ZNF761: variants seen among roughly 807,000 people sequenced by gnomAD.
The protein encoded by ZNF761 is zinc finger protein 761.
ZNF761 carries 43 observed loss-of-function variants against 59.9 expected under a neutral mutation model. The ratio of observed to expected loss-of-function variants is 0.72; its 90% CI spans 0.56 to 0.92. The LOEUF is 0.92. Ranked by LOEUF, ZNF761 falls within the 40% of genes least tolerant of loss-of-function variation. The pLI, the probability that ZNF761 is intolerant of heterozygous loss-of-function variation, is 0.00. For synonymous variants in ZNF761, 294 were observed against 304.8 expected (o/e 0.96, Z 0.37); for missense variants, 850 against 906.1 (o/e 0.94, Z 0.79).
At chr19:53,448,271 G>T (rs780620828) in intron 3 of ZNF761, among the ~76,000 whole-genome samples, 7 of 152,208 alleles carry the variant, frequency 4.6e-5, no homozygotes, top group Non-Finnish European at 1.5e-5. Context: ...CCAGAGTGCT[G>T]GGATTACAGG....
Position 53,456,707 on chromosome 19 carries a change from A to T in ZNF761, c.2200A>T (p.Thr734Ser). 6.2e-7 allele frequency: 1 copy of T among 1,613,764 alleles called. No homozygotes were observed. The highest frequency in any genetic ancestry group is 8.5e-7 in the Non-Finnish European group (1 of 1,179,868). ...GACCTTTAGTCAGAAGTCAAACCTTACATGCCATCGTAGACTTCATACTGG... is the reference window on the plus strand; with the variant it reads ...GACCTTTAGTCAGAAGTCAAACCTTTCATGCCATCGTAGACTTCATACTGG... ...GKTFSQKSNL[T>S]CHRRLHTGEK... Residue 734 changes from threonine (T) to serine (S), a missense_variant, in exon 5 of 5, where the codon ACA (threonine) becomes TCA (serine). Thr to Ser is a moderately conservative substitution (Grantham distance 58, BLOSUM62 1). Coordinates refer to ENST00000684525, the MANE Select transcript of ZNF761 (RefSeq NM_001289951.2).
rs1444037799 is a variant in ZNF761 at position 53,450,663 on chromosome 19, G to A, written c.142+1025G>A. On this transcript the variant is annotated intron_variant, in intron 4 of 4. Coordinates refer to ENST00000684525, the MANE Select transcript of ZNF761 (RefSeq NM_001289951.2). ...TCTGTCGCCAAGGCTACAGTTCAGT[G>A]GTACGATCTTGGCTCACCGCAGCCA... Among the ~76,000 whole-genome samples the A allele has an allele frequency of 2.0e-5, 3 of 152,174 alleles. No individual in the cohort carries two copies. The East Asian group carries it at 5.8e-4, about 29-fold the overall frequency.
At chr19:53,443,362 A>C (rs894021767) in intron 1 of ZNF761, 2 of 152,968 alleles carry the variant, frequency 1.3e-5, no homozygotes, top group African/African-American at 4.8e-5. Context: ...CAGACCCAAC[A>C]CCGGGCTGTG....
chr19:53,449,426 C>A, intron 3 of ZNF761, 86 bp from the exon 4 acceptor site: 1 of 1,598,916 alleles, frequency 6.3e-7, no homozygotes, highest in East Asian at 2.2e-5. Context: ...CATTTAAATC[C>A]ATGCCTTCAC....
chr19:53,433,018 G>T (rs1049021939), intron 1 of ZNF761, among the ~76,000 whole-genome samples: 2 of 149,640 alleles, frequency 1.3e-5, no homozygotes, highest in African/African-American at 4.9e-5. Context: ...GACACCTGGG[G>T]ATCTGGGGTG....
At chr19:53,443,354 G>T in intron 1 of ZNF761, 1 of 153,106 alleles carries the variant, frequency 6.5e-6, no homozygotes, top group South Asian at 2.0e-4. Flanking sequence ...GGGGTGATCA[G>T]ACCCAACACC....
intron 3 of ZNF761, 100 bp from the exon 4 acceptor site, chr19:53,449,412 A>G (rs2086195224): frequency 6.2e-7 from 1 of 1,602,662 alleles, no homozygotes; most frequent in Non-Finnish European, 8.5e-7. Flanking sequence ...TAGAACATTC[A>G]CTGCATTTAA....
At position 53,456,606 on chromosome 19, in the gene ZNF761, G is replaced by T; in HGVS notation, c.2099G>T (p.Ser700Ile). 1 of 1,613,582 alleles carries T rather than the reference G, an allele frequency of 6.2e-7. No individual in the cohort carries two copies. ...TGTAATGAGTGTGGCAAGAACTTTA[G>T]TCAGAAGTCATCCCTTATATGCCAC... The part of the protein sequence containing the change: ...YKCNECGKNF[S>I]QKSSLICHHR... The change falls in exon 5 of 5, where the codon AGT becomes ATT. Residue 700 changes from serine to isoleucine, a missense_variant. Ser to Ile is a moderately radical substitution (Grantham distance 142). Transcript: ENST00000684525.
At chr19:53,443,379 A>G (rs1235342776) in intron 1 of ZNF761, 1 of 152,802 alleles carries the variant, frequency 6.5e-6, no homozygotes, top group Admixed American at 6.5e-5. Context: ...TGTGGGGGCT[A>G]AGAAGTCCAG....
intron 4 of ZNF761, among the ~76,000 whole-genome samples, chr19:53,453,652 G>C (rs1191215959): frequency 6.6e-6 from 1 of 152,108 alleles, no homozygotes; most frequent in Non-Finnish European, 1.5e-5. Flanking sequence ...GAGGCGGGTG[G>C]ATCACTTGAG....
chr19:53,452,689 T>C lies in ZNF761; in HGVS notation c.143-1961T>C, dbSNP rs376018051. ...AAATTGGTTCCTGGTGAGAGCATTC[T>C]TCATGGTTTAGCCCAGCCATCTTCC... is the stretch of plus-strand genomic sequence containing the variant. On this transcript the variant is annotated intron_variant, in intron 4 of 4. Transcript: ENST00000684525. Among the ~76,000 whole-genome samples the C allele has an allele frequency of 3.2e-3, 495 of 152,326 alleles. 1 individual carries two copies. The highest frequency in any genetic ancestry group is 6.8e-3 in the Middle Eastern group (2 of 294).
rs113817853 is a variant in ZNF761, at chr19:53,437,080, G to A, written c.-185+5052G>A. 9.7e-3 allele frequency among the ~76,000 whole-genome samples: 1,477 copies of A among 152,258 alleles called. 22 individuals are homozygous for A. Among genetic ancestry groups the A allele is most frequent in the African/African-American group, 0.033 (1,390 of 41,542 alleles). On this transcript the variant is annotated intron_variant, in intron 1 of 4. Coordinates refer to ENST00000684525, the MANE Select transcript of ZNF761 (RefSeq NM_001289951.2). ...TGCCTGTAATCCCAGTACTTTGGGA[G>A]GCTGAGGCAGGCAGATTATGAGGTC...
chr19:53,441,747 T>C (rs1204235911), intron 1 of ZNF761: 9 of 760,282 alleles, frequency 1.2e-5, no homozygotes. Context: ...CATGCCCGGC[T>C]GAGATAAATC....
Position 53,432,039 on chromosome 19 carries a change from C to G in ZNF761, c.-185+11C>G, listed in dbSNP as rs550512717. 1 of 152,936 alleles carries G rather than the reference C, an allele frequency of 6.5e-6. No homozygotes were observed. Among genetic ancestry groups the G allele is most frequent in the Non-Finnish European group, 1.5e-5 (1 of 68,446 alleles). The allele number at this position is 152,936 out of a possible 1,614,324, so 9.5% of individuals were successfully genotyped here. ...GTGCCACCGCGGCGCGTGAGTTTCG[C>G]CCTGTCTTGTATTAAGTCTGCTCTT... On this transcript the variant is annotated intron_variant, in intron 1 of 4. Transcript: ENST00000684525.
At chr19:53,444,086 C>T (rs1186626215) in intron 1 of ZNF761, 1 of 152,288 alleles carries the variant, frequency 6.6e-6, no homozygotes. Flanking sequence ...ACAGGGACCT[C>T]TGCCCCAGAA....
chr19:53,441,063 C>T (rs2086094458), intron 1 of ZNF761, among the ~76,000 whole-genome samples: 1 of 152,164 alleles, frequency 6.6e-6, no homozygotes, highest in African/African-American at 2.4e-5. Flanking sequence ...GAGTGGGTCA[C>T]CTAAGGTGAG....
chr19:53,438,279 G>A (rs1361302744), intron 1 of ZNF761, among the ~76,000 whole-genome samples: 2 of 152,200 alleles, frequency 1.3e-5, no homozygotes, highest in Non-Finnish European at 2.9e-5. Flanking sequence ...GGGACAGTTA[G>A]TTGCTGTCCT....
At chr19:53,447,092 G>A (rs2086168521) in intron 2 of ZNF761, 104 bp from the exon 3 acceptor site, 9 of 674,906 alleles carry the variant, frequency 1.3e-5, no homozygotes, top group South Asian at 1.0e-4. Flanking sequence ...GGCAGCAGAC[G>A]GGACCATATT....
intron 1 of ZNF761, among the ~76,000 whole-genome samples, chr19:53,440,136 G>A (rs1469823868): frequency 7.6e-6 from 1 of 132,176 alleles, no homozygotes; most frequent in Non-Finnish European, 1.7e-5. Context: ...GGGCAACATA[G>A]TGAGACCCCC....
Sources: gnomAD v4.1 joint callset for allele counts (sites outside exome capture counted in the v4.1 genomes callset) on GRCh38, gnomAD v4.1.1 for gene constraint, MANE v1.5 for transcripts, NCBI Gene and HGNC (gene_info 2026-07-23, HGNC 2026-07-21) for gene names.